The following SGCZ variants were observed in gnomAD, a reference collection of about 807,000 sequenced individuals.
SGCZ encodes the protein zeta-sarcoglycan.
Under a neutral mutation model 41.3 loss-of-function variants are expected in SGCZ, and 40 were observed. That is an observed-to-expected ratio of 0.97 (90% CI 0.75 to 1.26). The LOEUF is 1.26. SGCZ is among the 50% of genes most tolerant of loss of function. The probability of loss-of-function intolerance (pLI) is 0.00; values close to 1 mark genes in which losing one functional copy is unlikely to be tolerated. For missense variants in SGCZ, 552 were observed against 369.8 expected (o/e 1.49, Z -4.04); for synonymous variants, 206 against 137.5 (o/e 1.50, Z -3.49).
At chr8:14,335,349 T>G (rs1299111550) in intron 2 of SGCZ, among the ~76,000 whole-genome samples, 1 of 152,138 alleles carries the variant, frequency 6.6e-6, no homozygotes. Flanking sequence ...TGAAGGGTGC[T>G]GTAGATTTCT....
chr8:14,218,781 G>A (rs879926735), intron 4 of SGCZ, among the ~76,000 whole-genome samples: 6 of 152,284 alleles, frequency 3.9e-5, no homozygotes, highest in Non-Finnish European at 8.8e-5. Flanking sequence ...CATCAACAAC[G>A]CATTTGGTCC....
At chr8:14,171,875 T>G (rs1804393832) in intron 4 of SGCZ, among the ~76,000 whole-genome samples, 1 of 152,128 alleles carries the variant, frequency 6.6e-6, no homozygotes, top group Admixed American at 6.5e-5. Context: ...ATGCTTTTAG[T>G]GTCATAAATC....
At chr8:14,386,238 T>G (rs1166535439) in intron 2 of SGCZ, among the ~76,000 whole-genome samples, 1 of 151,902 alleles carries the variant, frequency 6.6e-6, no homozygotes, top group Non-Finnish European at 1.5e-5. Flanking sequence ...TAATTGCACC[T>G]GCTATGATAA....
At chr8:14,880,029 CTG>C (rs1314163737) in intron 1 of SGCZ, among the ~76,000 whole-genome samples, 2 of 151,898 alleles carry the variant, frequency 1.3e-5, no homozygotes, top group Non-Finnish European at 2.9e-5. Flanking sequence ...TTAGTAGAGA[CTG>C]TGTTTCTCCA....
chr8:15,166,917 T>C (rs867422977), intron 1 of SGCZ, among the ~76,000 whole-genome samples: 22 of 152,218 alleles, frequency 1.4e-4, no homozygotes, highest in African/African-American at 4.8e-4. Context: ...GAAATGTTCA[T>C]GAATATCAAG....
chr8:14,289,996 A>T (rs1800785130), intron 3 of SGCZ, among the ~76,000 whole-genome samples: 1 of 151,836 alleles, frequency 6.6e-6, no homozygotes, highest in South Asian at 2.1e-4. Context: ...TAAACAGCAG[A>T]TCTTGTGAGA....
chr8:14,211,036 T>C (rs1485890998), intron 4 of SGCZ, among the ~76,000 whole-genome samples: 1 of 152,190 alleles, frequency 6.6e-6, no homozygotes, highest in Non-Finnish European at 1.5e-5. Context: ...GAGATTCTTG[T>C]TTCCCAAAGG....
chr8:14,588,662 G>T (rs1252987540), intron 1 of SGCZ, among the ~76,000 whole-genome samples: 1 of 152,078 alleles, frequency 6.6e-6, no homozygotes, highest in African/African-American at 2.4e-5. Flanking sequence ...AAAACGTTAG[G>T]AAGGGAGGAG....
chr8:14,602,059 G>C (rs980241582), intron 1 of SGCZ, among the ~76,000 whole-genome samples: 1 of 152,108 alleles, frequency 6.6e-6, no homozygotes, highest in Non-Finnish European at 1.5e-5. Flanking sequence ...GGCGGAGCTT[G>C]CAGTGAGCCG....
At chr8:15,232,525 T>G (rs551459931) in intron 1 of SGCZ, among the ~76,000 whole-genome samples, 4 of 151,960 alleles carry the variant, frequency 2.6e-5, no homozygotes, top group African/African-American at 9.6e-5. Context: ...GTATGTTCCC[T>G]CATCCCTCTT....
intron 2 of SGCZ, among the ~76,000 whole-genome samples, chr8:14,324,855 T>C (rs1389815611): frequency 6.6e-6 from 1 of 152,178 alleles, no homozygotes; most frequent in African/African-American, 2.4e-5. Flanking sequence ...TAGTAAACCA[T>C]TTCTCATGGA....
At chr8:14,283,411 T>G (rs917666031) in intron 3 of SGCZ, among the ~76,000 whole-genome samples, 1 of 152,188 alleles carries the variant, frequency 6.6e-6, no homozygotes, top group African/African-American at 2.4e-5. Context: ...ATATCTAATG[T>G]TTCTCGTTCA....
intron 1 of SGCZ, among the ~76,000 whole-genome samples, chr8:15,134,181 G>A (rs1185928892): frequency 1.3e-5 from 2 of 151,658 alleles, no homozygotes. Flanking sequence ...TCCCTTTACA[G>A]TAAAAACAAA....
At chr8:15,045,109 T>C (rs927003486) in intron 1 of SGCZ, among the ~76,000 whole-genome samples, 4 of 151,338 alleles carry the variant, frequency 2.6e-5, no homozygotes, top group Non-Finnish European at 5.9e-5. Flanking sequence ...ATTTATATGG[T>C]TAATAAATAT....
rs1585333765 is a variant in SGCZ, at chr8:14,298,169, A to T, written c.336+25934T>A. Among the ~76,000 whole-genome samples the T allele has an allele frequency of 1.3e-5, 2 of 152,028 alleles. 1 individual carries two copies. Among genetic ancestry groups the T allele is most frequent in the East Asian group, 3.8e-4 (2 of 5,198 alleles). Reference sequence around the variant, plus strand: ...ACAAAATTTAAAACACATTCATGATAAATACTTTCCGTTCACTAGTTATAT... The same window carrying T: ...ACAAAATTTAAAACACATTCATGATTAATACTTTCCGTTCACTAGTTATAT... On this transcript the variant is annotated intron_variant, in intron 3 of 7. Coordinates refer to ENST00000382080, the MANE Select transcript of SGCZ (RefSeq NM_139167.4).
At chr8:14,682,316 G>A (rs1021310505) in intron 1 of SGCZ, among the ~76,000 whole-genome samples, 5 of 152,114 alleles carry the variant, frequency 3.3e-5, no homozygotes, top group Admixed American at 1.3e-4. Context: ...GCAATGAAAG[G>A]CCTCCCATCC....
intron 1 of SGCZ, among the ~76,000 whole-genome samples, chr8:15,195,251 T>G (rs1800685251): frequency 6.6e-6 from 1 of 152,174 alleles, no homozygotes; most frequent in African/African-American, 2.4e-5. Flanking sequence ...AATCCTTTAC[T>G]GGGAGACGTG....
At chr8:14,701,798 C>T (rs1162004382) in intron 1 of SGCZ, among the ~76,000 whole-genome samples, 1 of 151,870 alleles carries the variant, frequency 6.6e-6, no homozygotes, top group Non-Finnish European at 1.5e-5. Flanking sequence ...AACATGTGAC[C>T]TCTATTGACC....
chr8:14,810,833 C>A (rs1340707384), intron 1 of SGCZ, among the ~76,000 whole-genome samples: 1 of 151,940 alleles, frequency 6.6e-6, no homozygotes, highest in Admixed American at 6.6e-5. Context: ...TAAACATTGA[C>A]CAACACACCA....
Sources: allele counts gnomAD v4.1 joint callset (sites outside exome capture counted in the v4.1 genomes callset), GRCh38; gene constraint gnomAD v4.1.1; transcripts MANE v1.5; gene names NCBI Gene and HGNC (gene_info 2026-07-23, HGNC 2026-07-21).